Variants in ARMC9 observed in about 807,000 individuals in gnomAD.
ARMC9 encodes armadillo repeat containing 9.
ARMC9 carries 94 observed loss-of-function variants against 107.0 expected under a neutral mutation model. The observed-to-expected ratio is 0.88, with a 90% CI of 0.74 to 1.04. ARMC9 has a LOEUF of 1.04. ARMC9 is among the 50% of genes least tolerant of loss of function. ARMC9 has a pLI of 0.00. For synonymous variants in ARMC9, 380 were observed against 396.9 expected (o/e 0.96, Z 0.51); for missense variants, 942 against 1,030.1 (o/e 0.91, Z 1.17).
chr2:231,323,245 A>G (rs1256280611), intron 19 of ARMC9, among the ~76,000 whole-genome samples: 1 of 151,766 alleles, frequency 6.6e-6, no homozygotes, highest in Non-Finnish European at 1.5e-5. Context: ...TCCCAGCTGG[A>G]AGGCCTGAGT....
chr2:231,268,782 C>T (rs1422743087), intron 12 of ARMC9, among the ~76,000 whole-genome samples: 2 of 152,116 alleles, frequency 1.3e-5, no homozygotes, highest in Non-Finnish European at 2.9e-5. Context: ...CCAAAGCCAG[C>T]TGGGCACAGT....
At chr2:231,352,776 G>C (rs998909024) in intron 21 of ARMC9, among the ~76,000 whole-genome samples, 1 of 151,756 alleles carries the variant, frequency 6.6e-6, no homozygotes. Context: ...TAGATAAATA[G>C]ATAACCATAT....
intron 23 of ARMC9, among the ~76,000 whole-genome samples, chr2:231,365,331 G>T (rs1189542073): frequency 6.6e-6 from 1 of 152,174 alleles, no homozygotes; most frequent in Non-Finnish European, 1.5e-5. Flanking sequence ...GCCCTTATAT[G>T]ATCTCAGCGT....
intron 19 of ARMC9, among the ~76,000 whole-genome samples, chr2:231,318,938 A>G (rs1166476833): frequency 1.3e-5 from 2 of 152,132 alleles, no homozygotes; most frequent in South Asian, 2.1e-4. Context: ...TAGCCAGGTG[A>G]CCATGAGTGC....
chr2:231,303,073 T>A (rs2041853995), intron 19 of ARMC9, among the ~76,000 whole-genome samples: 1 of 152,264 alleles, frequency 6.6e-6, no homozygotes, highest in African/African-American at 2.4e-5. Flanking sequence ...CTATTTTGCA[T>A]TTTGTTAATT....
intron 17 of ARMC9, among the ~76,000 whole-genome samples, chr2:231,283,185 A>G (rs1042756365): frequency 2.6e-5 from 4 of 152,136 alleles, no homozygotes; most frequent in Admixed American, 6.6e-5. Flanking sequence ...AGAGAGGGAC[A>G]ACTTCCGAAA....
intron 12 of ARMC9, among the ~76,000 whole-genome samples, chr2:231,267,198 T>C (rs1574870819): frequency 6.6e-6 from 1 of 152,108 alleles, no homozygotes; most frequent in East Asian, 1.9e-4. Context: ...AATTGAAAGG[T>C]GGGCCAGGTA....
chr2:231,224,006 G>A (rs1204533777), intron 6 of ARMC9, among the ~76,000 whole-genome samples: 1 of 151,006 alleles, frequency 6.6e-6, no homozygotes, highest in Non-Finnish European at 1.5e-5. Context: ...TCTTGATACT[G>A]CTCCTTGTGG....
intron 19 of ARMC9, among the ~76,000 whole-genome samples, chr2:231,310,366 C>T (rs1241292060): frequency 6.8e-6 from 1 of 147,714 alleles, no homozygotes. Context: ...TGCAGTGAGC[C>T]GAGATCGCGC....
At chr2:231,355,414 C>T (rs1009860187) in intron 21 of ARMC9, among the ~76,000 whole-genome samples, 1 of 152,220 alleles carries the variant, frequency 6.6e-6, no homozygotes, top group African/African-American at 2.4e-5. Context: ...CATGTTATGT[C>T]TTCTCTGGTT....
At chr2:231,269,359 A>G (rs930657189) in intron 12 of ARMC9, among the ~76,000 whole-genome samples, 1 of 116,826 alleles carries the variant, frequency 8.6e-6, no homozygotes, top group Non-Finnish European at 1.9e-5. Flanking sequence ...CATCTTTTCT[A>G]CTTTTTGTTC....
At chr2:231,272,845 C>G (rs749979478) in intron 13 of ARMC9, 110 bp from the exon 14 acceptor site, 10 of 1,363,548 alleles carry the variant, frequency 7.3e-6, no homozygotes, top group Non-Finnish European at 1.0e-5. Context: ...TAAAATTACC[C>G]AAACTCTACT....
chr2:231,278,263 A>AC (rs2039929351), intron 15 of ARMC9, 119 bp from the exon 16 acceptor site: 11 of 924,588 alleles, frequency 1.2e-5, no homozygotes, highest in African/African-American at 1.1e-4. Context: ...CATACAGCTC[A>AC]CCCGAGGTCA....
chr2:231,260,575 G>A (rs924741488), intron 11 of ARMC9, among the ~76,000 whole-genome samples: 6 of 152,116 alleles, frequency 3.9e-5, no homozygotes, highest in Non-Finnish European at 8.8e-5. Context: ...GGACTCGGAC[G>A]ACGTATCCAG....
chr2:231,281,486 A>C lies in ARMC9; in HGVS notation c.1552-573A>C, dbSNP rs116797987. On this transcript the variant is annotated intron_variant, in intron 16 of 24. Transcript: ENST00000611582. ...CCACACCAAGGAGTTCCACCTTTCC[A>C]ACTGGGCTCTATGGAAGGTTTCGGA... Among the ~76,000 whole-genome samples, 809 of 152,282 alleles carry C rather than the reference A, an allele frequency of 5.3e-3. 8 individuals are homozygous for C. The highest frequency in any genetic ancestry group is 0.018 in the African/African-American group (751 of 41,544).
intron 21 of ARMC9, among the ~76,000 whole-genome samples, chr2:231,347,935 T>C (rs1276131190): frequency 1.3e-5 from 2 of 152,232 alleles, no homozygotes; most frequent in Non-Finnish European, 2.9e-5. Flanking sequence ...CCTTAAAAAA[T>C]CCTTTTAGGA....
intron 18 of ARMC9, chr2:231,294,898 C>T (rs896852451): frequency 1.3e-5 from 2 of 152,214 alleles, no homozygotes; most frequent in African/African-American, 4.8e-5. Flanking sequence ...TGCTGCGACC[C>T]GTGGGGCATG....
chr2:231,356,665 A>G (rs1381512024), intron 22 of ARMC9, among the ~76,000 whole-genome samples: 3 of 152,196 alleles, frequency 2.0e-5, no homozygotes, highest in Admixed American at 6.5e-5. Flanking sequence ...GTGACGAGTC[A>G]GCACTGGCTG....
At chr2:231,222,862 G>T in intron 6 of ARMC9, 42 bp downstream of exon 6, 1 of 1,364,346 alleles carries the variant, frequency 7.3e-7, no homozygotes, top group Non-Finnish European at 1.0e-6. Context: ...TGGTTTTAGA[G>T]CAGATTTTAT....
Sources: gnomAD v4.1 joint callset for allele counts (sites outside exome capture counted in the v4.1 genomes callset) on GRCh38, gnomAD v4.1.1 for gene constraint, MANE v1.5 for transcripts, NCBI Gene and HGNC (gene_info 2026-07-23, HGNC 2026-07-21) for gene names.